Variants in GRM7 observed in about 807,000 individuals in gnomAD.
GRM7 encodes the protein glutamate metabotropic receptor 7.
Under a neutral mutation model 84.5 loss-of-function variants are expected in GRM7, and 35 were observed. That is an observed-to-expected ratio of 0.41 (90% CI 0.32 to 0.55). GRM7 has a LOEUF of 0.55. Ranked by LOEUF, GRM7 falls within the 20% of genes least tolerant of loss-of-function variation. The pLI is 0.19. For missense variants in GRM7, 1,003 were observed against 1,194.6 expected (o/e 0.84, Z 2.36); for synonymous variants, 487 against 455.1 (o/e 1.07, Z -0.89).
chr3:7,676,195 T>TAAAG (rs1190989261), intron 8 of GRM7, among the ~76,000 whole-genome samples: 5 of 152,124 alleles, frequency 3.3e-5, no homozygotes, highest in African/African-American at 1.2e-4. Context: ...TAGAATTTAC[T>TAAAG]AAAGAATGTA....
At chr3:7,221,120 G>GAAAA (rs1242269929) in intron 2 of GRM7, among the ~76,000 whole-genome samples, 13 of 151,686 alleles carry the variant, frequency 8.6e-5, no homozygotes, top group African/African-American at 2.9e-4. Flanking sequence ...CAAAAGAAAA[G>GAAAA]AAAACAAACA....
intron 2 of GRM7, among the ~76,000 whole-genome samples, chr3:7,255,058 C>G (rs1157757340): frequency 6.6e-6 from 1 of 152,138 alleles, no homozygotes; most frequent in Non-Finnish European, 1.5e-5. Context: ...CCATTTTCCT[C>G]TGCAAATATT....
chr3:7,384,436 A>C (rs1175964242), intron 4 of GRM7, among the ~76,000 whole-genome samples: 1 of 152,210 alleles, frequency 6.6e-6, no homozygotes, highest in Non-Finnish European at 1.5e-5. Context: ...AGTTTGTGCC[A>C]ATGCTGTCCA....
chr3:7,438,743 T>A (rs1697160269), intron 5 of GRM7, among the ~76,000 whole-genome samples: 1 of 152,072 alleles, frequency 6.6e-6, no homozygotes, highest in African/African-American at 2.4e-5. Context: ...TAACCAGATG[T>A]CAAAAGGTAA....
At chr3:7,357,555 A>G (rs1693465812) in intron 4 of GRM7, among the ~76,000 whole-genome samples, 1 of 152,172 alleles carries the variant, frequency 6.6e-6, no homozygotes, top group Non-Finnish European at 1.5e-5. Flanking sequence ...GATACCCTGT[A>G]AAATCTAAAT....
intron 1 of GRM7, among the ~76,000 whole-genome samples, chr3:6,972,387 G>T (rs755715027): frequency 6.6e-6 from 1 of 152,098 alleles, no homozygotes; most frequent in African/African-American, 2.4e-5. Context: ...CTGATAGAGC[G>T]CAGAAGGTAA....
chr3:7,064,251 C>A (rs1697541101), intron 1 of GRM7, among the ~76,000 whole-genome samples: 1 of 150,220 alleles, frequency 6.7e-6, no homozygotes, highest in Non-Finnish European at 1.5e-5. Context: ...CTCTTCCCCC[C>A]AAGTCCCCAA....
rs538170814 is a variant in GRM7, at chr3:6,942,620, C to T, written c.519+80713C>T. ...TGTATAGTTCACACCACAGTTTGTTCCATATACTTGTTGATGGGAATTTAG... is the reference window on the plus strand; with the variant it reads ...TGTATAGTTCACACCACAGTTTGTTTCATATACTTGTTGATGGGAATTTAG... On this transcript the variant is annotated intron_variant, in intron 1 of 9. Transcript: ENST00000357716. Among the ~76,000 whole-genome samples the T allele has an allele frequency of 2.6e-5, 4 of 152,138 alleles. No individual in the cohort carries two copies. In the South Asian group the frequency reaches 8.3e-4, roughly 32 times the overall value.
intron 7 of GRM7, among the ~76,000 whole-genome samples, chr3:7,575,547 G>C (rs150634746): frequency 2.3e-4 from 35 of 152,250 alleles, no homozygotes; most frequent in African/African-American, 6.3e-4. Context: ...ACAAGGCAGC[G>C]TATCTGTGTG....
intron 8 of GRM7, among the ~76,000 whole-genome samples, chr3:7,586,384 GTT>G (rs35854066): frequency 1.4e-5 from 2 of 146,870 alleles, no homozygotes; most frequent in South Asian, 4.3e-4. Context: ...TACATGAGGG[GTT>G]TTTTTTTTTG....
At chr3:7,149,124 T>C (rs2125068418) in intron 2 of GRM7, among the ~76,000 whole-genome samples, 1 of 152,300 alleles carries the variant, frequency 6.6e-6, no homozygotes, top group African/African-American at 2.4e-5. Flanking sequence ...CTATATCACA[T>C]GTGCAAGTGA....
At position 6,863,431 on chromosome 3, in the gene GRM7, A is replaced by G. The variant is rs563139362; in HGVS notation, c.519+1524A>G. ...AGGCTGTCATCACATCACCTCCAGG[A>G]GTGTGAAGTTTGCATTCAGGAAAGA... On this transcript the variant is annotated intron_variant, in intron 1 of 9. Coordinates refer to ENST00000357716, the MANE Select transcript of GRM7 (RefSeq NM_000844.4). This position sits in a 1 kb window ranked among gnomAD's most constrained non-coding sequence, Gnocchi z 4.8. 1.5e-3 allele frequency among the ~76,000 whole-genome samples: 224 copies of G among 152,214 alleles called. 1 individual carries two copies. Among genetic ancestry groups the G allele is most frequent in the Middle Eastern group, 3.4e-3 (1 of 294 alleles).
At chr3:7,576,325 T>C (rs1235152227) in intron 7 of GRM7, among the ~76,000 whole-genome samples, 7 of 152,220 alleles carry the variant, frequency 4.6e-5, no homozygotes, top group Non-Finnish European at 1.0e-4. Context: ...TTATAGTTAG[T>C]GATTTATTAG....
intron 2 of GRM7, among the ~76,000 whole-genome samples, chr3:7,258,785 C>T (rs928548340): frequency 5.3e-5 from 8 of 152,124 alleles, no homozygotes; most frequent in African/African-American, 1.7e-4. Context: ...GTGTTGTGAA[C>T]TCTGAGGACA....
chr3:7,284,312 GTA>G (rs796285803), intron 2 of GRM7, among the ~76,000 whole-genome samples: 5,614 of 76,740 alleles, frequency 0.073, 212 homozygotes, highest in African/African-American at 0.12. Context: ...GTGTGTGTGT[GTA>G]TATACATGAG....
At chr3:7,123,136 C>G (rs1693279992) in intron 1 of GRM7, among the ~76,000 whole-genome samples, 3 of 152,210 alleles carry the variant, frequency 2.0e-5, no homozygotes, top group African/African-American at 7.2e-5. Context: ...CTGCTCCTTT[C>G]ATTTCTTCCT....
At chr3:6,978,831 G>T (rs562247470) in intron 1 of GRM7, among the ~76,000 whole-genome samples, 2 of 152,128 alleles carry the variant, frequency 1.3e-5, no homozygotes, top group Non-Finnish European at 2.9e-5. Context: ...CTTCCAAGTC[G>T]AGAAGGCAGA....
chr3:7,652,507 C>T (rs1209472124), intron 8 of GRM7, among the ~76,000 whole-genome samples: 2 of 152,152 alleles, frequency 1.3e-5, no homozygotes, highest in Non-Finnish European at 2.9e-5. Context: ...AATCCCTTCA[C>T]CTCTGTCAGC....
At chr3:7,150,670 G>A (rs1349025325) in intron 2 of GRM7, among the ~76,000 whole-genome samples, 1 of 152,136 alleles carries the variant, frequency 6.6e-6, no homozygotes, top group African/African-American at 2.4e-5. Context: ...ACATGCAATA[G>A]CAACAAAGGC....
Sources: allele counts gnomAD v4.1 joint callset (sites outside exome capture counted in the v4.1 genomes callset), GRCh38; gene constraint gnomAD v4.1.1; non-coding constraint Gnocchi (gnomAD v3.1); transcripts MANE v1.5; gene names NCBI Gene and HGNC (gene_info 2026-07-23, HGNC 2026-07-21).